MTA3: variants seen among roughly 807,000 people sequenced by gnomAD.
MTA3 encodes the protein metastasis-associated protein MTA3.
In MTA3, 34 loss-of-function variants were observed where a neutral mutation model predicts 83.5. The ratio of observed to expected loss-of-function variants is 0.41; its 90% CI spans 0.31 to 0.54. The LOEUF (loss-of-function observed/expected upper bound fraction) is 0.54. Ranked by LOEUF, MTA3 falls within the 20% of genes least tolerant of loss-of-function variation. The pLI, the probability that MTA3 is intolerant of heterozygous loss-of-function variation, is 0.33. For missense variants in MTA3, 761 were observed against 726.4 expected (o/e 1.05, Z -0.55); for synonymous variants, 303 against 252.7 (o/e 1.20, Z -1.89).
chr2:42,632,478 A>G (rs1483725758), intron 4 of MTA3, among the ~76,000 whole-genome samples: 2 of 152,184 alleles, frequency 1.3e-5, no homozygotes, highest in Non-Finnish European at 2.9e-5. Context: ...CCTGGTGGTC[A>G]GAGTGATTCA....
chr2:42,608,716 C>G (rs1683808675), intron 3 of MTA3, among the ~76,000 whole-genome samples: 1 of 152,094 alleles, frequency 6.6e-6, no homozygotes, highest in Non-Finnish European at 1.5e-5. Flanking sequence ...AACGCTGTCT[C>G]TACTAAAAAT....
At chr2:42,599,894 T>G (rs1333827408) in intron 3 of MTA3, among the ~76,000 whole-genome samples, 1 of 152,098 alleles carries the variant, frequency 6.6e-6, no homozygotes, top group Non-Finnish European at 1.5e-5. Flanking sequence ...ATTTCAAGAC[T>G]TTTTAAAAAA....
chr2:42,522,307 G>A (rs1192891739), intron 2 of MTA3, among the ~76,000 whole-genome samples: 1 of 152,154 alleles, frequency 6.6e-6, no homozygotes, highest in Admixed American at 6.5e-5. Flanking sequence ...CCTGTGTCAA[G>A]GGTACAATCA....
chr2:42,609,747 A>G (rs1228333925), intron 4 of MTA3, among the ~76,000 whole-genome samples, 163 bp downstream of exon 4: 1 of 152,234 alleles, frequency 6.6e-6, no homozygotes, highest in African/African-American at 2.4e-5. Flanking sequence ...GTGTATTACC[A>G]TATTAAAGCC....
chr2:42,743,681 G>C (rs1319203010), intron 16 of MTA3, among the ~76,000 whole-genome samples: 3 of 152,166 alleles, frequency 2.0e-5, no homozygotes, highest in African/African-American at 7.2e-5. Context: ...ACAATATTAT[G>C]ATCTGGAGTG....
chr2:42,589,391 A>C (rs998361952), intron 3 of MTA3, among the ~76,000 whole-genome samples: 7 of 152,160 alleles, frequency 4.6e-5, no homozygotes, highest in African/African-American at 1.7e-4. Flanking sequence ...TAATTTGTTC[A>C]GTTGTGGAAA....
chr2:42,738,069 A>C (rs1300560211), intron 16 of MTA3, among the ~76,000 whole-genome samples: 3 of 152,174 alleles, frequency 2.0e-5, no homozygotes, highest in Non-Finnish European at 2.9e-5. Flanking sequence ...TGAGATCAGC[A>C]TTGGCAACAT....
At chr2:42,579,631 G>C (rs1679406259) in intron 3 of MTA3, among the ~76,000 whole-genome samples, 1 of 151,692 alleles carries the variant, frequency 6.6e-6, no homozygotes, top group Admixed American at 6.6e-5. Context: ...TTCATTAATT[G>C]GTGAAAATGT....
intron 16 of MTA3, among the ~76,000 whole-genome samples, chr2:42,739,445 TAAAA>T (rs60704945): frequency 7.2e-6 from 1 of 138,526 alleles, no homozygotes; most frequent in African/African-American, 2.6e-5. Flanking sequence ...ACTTTATTGC[TAAAA>T]AAAAAAAAAA....
chr2:42,741,067 C>G (rs992505554), intron 16 of MTA3, among the ~76,000 whole-genome samples: 1 of 152,226 alleles, frequency 6.6e-6, no homozygotes, highest in Non-Finnish European at 1.5e-5. Flanking sequence ...AGATAACTTG[C>G]TACAGCTTCT....
chr2:42,654,265 G>A (rs1365984854), intron 6 of MTA3, among the ~76,000 whole-genome samples: 1 of 152,162 alleles, frequency 6.6e-6, no homozygotes, highest in East Asian at 1.9e-4. Context: ...TGGAATGCCT[G>A]CTTCTGTCCT....
At chr2:42,729,767 C>G (rs1316876275) in intron 16 of MTA3, among the ~76,000 whole-genome samples, 1 of 152,172 alleles carries the variant, frequency 6.6e-6, no homozygotes, top group Non-Finnish European at 1.5e-5. Context: ...ATAGCTTTGG[C>G]TATACTGGGT....
intron 3 of MTA3, among the ~76,000 whole-genome samples, chr2:42,582,337 C>T (rs1344263322): frequency 1.3e-5 from 2 of 152,154 alleles, no homozygotes; most frequent in East Asian, 1.9e-4. Context: ...GGATTACAGG[C>T]GTGAGCCACT....
chr2:42,558,475 C>G (rs1219812252), intron 2 of MTA3, among the ~76,000 whole-genome samples: 4 of 151,956 alleles, frequency 2.6e-5, no homozygotes, highest in Non-Finnish European at 5.9e-5. Flanking sequence ...GTCTTGAACT[C>G]CCGACCTCAG....
At chr2:42,741,481 C>A (rs1669022208) in intron 16 of MTA3, among the ~76,000 whole-genome samples, 1 of 152,212 alleles carries the variant, frequency 6.6e-6, no homozygotes, top group Admixed American at 6.5e-5. Context: ...GAAGGCTCAT[C>A]ATTTCTGGCT....
intron 16 of MTA3, 110 bp from the exon 17 acceptor site, chr2:42,753,264 T>C (rs1340150551): frequency 1.4e-5 from 21 of 1,528,998 alleles, no homozygotes; most frequent in Non-Finnish European, 1.8e-5. Context: ...CTGCTGAGCC[T>C]CCTTTCCCTG....
intron 2 of MTA3, among the ~76,000 whole-genome samples, chr2:42,505,090 G>T (rs944393203): frequency 2.1e-4 from 32 of 151,964 alleles, no homozygotes; most frequent in Non-Finnish European, 5.9e-5. Flanking sequence ...ATGAAGAAAT[G>T]AGGCTTTAAG....
At chr2:42,668,987 G>T (rs771023198) in intron 8 of MTA3, among the ~76,000 whole-genome samples, 1 of 151,822 alleles carries the variant, frequency 6.6e-6, no homozygotes, top group African/African-American at 2.4e-5. Context: ...CATCAATCAC[G>T]TACTTCATTC....
intron 2 of MTA3, among the ~76,000 whole-genome samples, chr2:42,550,303 G>A (rs1021012545): frequency 4.6e-5 from 7 of 152,132 alleles, no homozygotes; most frequent in Non-Finnish European, 7.4e-5. Context: ...TAAATTTGTG[G>A]GTGGAAGACA....
Sources: gnomAD v4.1 joint callset for allele counts (sites outside exome capture counted in the v4.1 genomes callset) on GRCh38, gnomAD v4.1.1 for gene constraint, MANE v1.5 for transcripts, NCBI Gene and HGNC (gene_info 2026-07-23, HGNC 2026-07-21) for gene names.